Variants in RALGPS1 observed in about 807,000 individuals in gnomAD.
RALGPS1 encodes ras-specific guanine nucleotide-releasing factor RalGPS1.
RALGPS1 carries 19 observed loss-of-function variants against 78.8 expected under a neutral mutation model. The observed-to-expected ratio is 0.24, with a 90% confidence interval of 0.17 to 0.35. The LOEUF (loss-of-function observed/expected upper bound fraction) is 0.35. Among genes scored for constraint, RALGPS1 ranks in the 10% least tolerant of loss-of-function variants. RALGPS1 has a pLI of 1.00. For synonymous variants in RALGPS1, 228 were observed against 256.3 expected (o/e 0.89, Z 1.06); for missense variants, 454 against 688.3 (o/e 0.66, Z 3.81).
intron 7 of RALGPS1, among the ~76,000 whole-genome samples, chr9:127,063,664 G>A (rs10987554): frequency 0.01 from 1,583 of 152,024 alleles, 107 homozygotes; most frequent in Admixed American, 0.089. Context: ...TATTTTCTTA[G>A]CTTGTTGAGT....
intron 8 of RALGPS1, among the ~76,000 whole-genome samples, chr9:127,077,326 C>A (rs1207759312): frequency 1.3e-5 from 2 of 152,200 alleles, no homozygotes; most frequent in Non-Finnish European, 2.9e-5. Flanking sequence ...CATTTTAGAG[C>A]AAAGCCTTGG....
At chr9:127,160,130 A>G (rs1588240757) in intron 8 of RALGPS1, among the ~76,000 whole-genome samples, 1 of 152,184 alleles carries the variant, frequency 6.6e-6, no homozygotes, top group South Asian at 2.1e-4. Flanking sequence ...GCTTGTGGGA[A>G]GCCCTGGTGC....
At chr9:127,191,948 C>T (rs565372330) in intron 11 of RALGPS1, among the ~76,000 whole-genome samples, 81 of 152,284 alleles carry the variant, frequency 5.3e-4, no homozygotes, top group Middle Eastern at 3.4e-3. Context: ...CTGCCCGCCT[C>T]GGCCTCTCAA....
chr9:126,942,624 A>G (rs1355958276), intron 1 of RALGPS1, among the ~76,000 whole-genome samples: 1 of 152,152 alleles, frequency 6.6e-6, no homozygotes, highest in Non-Finnish European at 1.5e-5. Flanking sequence ...TCCTGGCAGG[A>G]TAAGACTCTT....
intron 8 of RALGPS1, among the ~76,000 whole-genome samples, chr9:127,152,811 C>T (rs2058496788): frequency 6.6e-6 from 1 of 152,136 alleles, no homozygotes; most frequent in South Asian, 2.1e-4. Context: ...CCCATCTCCT[C>T]CTAAAGCTTC....
At chr9:126,972,072 A>G (rs921529965) in intron 3 of RALGPS1, among the ~76,000 whole-genome samples, 2 of 152,214 alleles carry the variant, frequency 1.3e-5, no homozygotes, top group African/African-American at 4.8e-5. Context: ...GGTTGATTCC[A>G]AGCCTGGGAA....
intron 8 of RALGPS1, 98 bp downstream of exon 8, chr9:127,069,454 C>A: frequency 7.1e-7 from 1 of 1,407,972 alleles, no homozygotes; most frequent in South Asian, 1.3e-5. Flanking sequence ...CAGGAAGCGA[C>A]ATGGCCCGTA....
At chr9:127,004,357 G>A (rs2043634411) in intron 4 of RALGPS1, among the ~76,000 whole-genome samples, 1 of 152,218 alleles carries the variant, frequency 6.6e-6, no homozygotes, top group Non-Finnish European at 1.5e-5. Flanking sequence ...TGTTGGCCAG[G>A]CTGGTCTCAA....
intron 4 of RALGPS1, among the ~76,000 whole-genome samples, chr9:126,986,939 AG>A: frequency 6.6e-6 from 1 of 152,254 alleles, no homozygotes; most frequent in South Asian, 2.1e-4. Context: ...TTTACCTTAC[AG>A]TGGGCATGTA....
At chr9:127,210,540 T>C in intron 14 of RALGPS1, 1 of 618,438 alleles carries the variant, frequency 1.6e-6, no homozygotes, top group Non-Finnish European at 2.9e-6. Flanking sequence ...GCTTGTAGTG[T>C]GGCCGAGGAG....
At chr9:127,034,958 C>G (rs546109860) in intron 5 of RALGPS1, among the ~76,000 whole-genome samples, 1 of 152,168 alleles carries the variant, frequency 6.6e-6, no homozygotes, top group Non-Finnish European at 1.5e-5. Context: ...CCAGTCAGAT[C>G]TCAGCCTAAA....
intron 5 of RALGPS1, among the ~76,000 whole-genome samples, chr9:127,042,911 C>T (rs527655515): frequency 6.6e-6 from 1 of 152,244 alleles, no homozygotes; most frequent in South Asian, 2.1e-4. Context: ...ACAAACAATA[C>T]CATTTACAAT....
intron 1 of RALGPS1, among the ~76,000 whole-genome samples, chr9:126,949,473 TG>T (rs1237622405): frequency 3.9e-5 from 6 of 152,136 alleles, no homozygotes; most frequent in Non-Finnish European, 7.4e-5. Flanking sequence ...CTCCAGCACC[TG>T]TTGTTTCCTG....
At chr9:127,178,330 CA>C in intron 11 of RALGPS1, 2 of 504,530 alleles carry the variant, frequency 4.0e-6, no homozygotes, top group Admixed American at 4.2e-5. Flanking sequence ...GTGGGCAGGG[CA>C]AAAAATGCAG....
At chr9:127,109,761 C>A (rs2054614356) in intron 8 of RALGPS1, among the ~76,000 whole-genome samples, 1 of 152,224 alleles carries the variant, frequency 6.6e-6, no homozygotes, top group African/African-American at 2.4e-5. Context: ...GCTTTCACAT[C>A]ATTATGCCAT....
chr9:127,010,039 G>C (rs1588995807), intron 4 of RALGPS1, among the ~76,000 whole-genome samples: 1 of 152,204 alleles, frequency 6.6e-6, no homozygotes, highest in Non-Finnish European at 1.5e-5. Flanking sequence ...TTCCCCAAGA[G>C]AGGAGCTTTG....
rs1182895873 is a variant in RALGPS1 at position 127,178,241 on chromosome 9, C to T, written c.910+3459C>T. ...TCTGCCACCAGAGCCTTTCATTGGCCAAATCCAATAGAAAGCTGGGGGCAA... is the reference window on the plus strand; with the variant it reads ...TCTGCCACCAGAGCCTTTCATTGGCTAAATCCAATAGAAAGCTGGGGGCAA... On this transcript the variant is annotated intron_variant, in intron 11 of 18. Coordinates refer to ENST00000259351, the MANE Select transcript of RALGPS1 (RefSeq NM_014636.3). 2.1e-5 allele frequency: 8 copies of T among 374,954 alleles called. No individual in the cohort carries two copies. The East Asian group carries it at 4.7e-4, about 22-fold the overall frequency. 23.2% of individuals were successfully genotyped at this position (374,954 alleles called of 1,614,324 possible).
intron 8 of RALGPS1, among the ~76,000 whole-genome samples, chr9:127,140,798 T>C (rs2057721424): frequency 6.6e-6 from 1 of 151,922 alleles, no homozygotes; most frequent in Non-Finnish European, 1.5e-5. Context: ...GGGGCAGCCA[T>C]GGAGTCCACG....
At chr9:127,093,953 C>G in intron 8 of RALGPS1, 1 of 1,604,066 alleles carries the variant, frequency 6.2e-7, no homozygotes, top group Non-Finnish European at 8.5e-7. Context: ...GCATATACAT[C>G]ACAGACCTGC....
Sources: gnomAD v4.1 joint callset for allele counts (sites outside exome capture counted in the v4.1 genomes callset) on GRCh38, gnomAD v4.1.1 for gene constraint, MANE v1.5 for transcripts, NCBI Gene and HGNC (gene_info 2026-07-23, HGNC 2026-07-21) for gene names.